Variants in UBR4 observed in about 807,000 individuals in gnomAD.
UBR4 encodes the protein E3 ubiquitin-protein ligase UBR4.
UBR4 carries 124 observed loss-of-function variants against 575.6 expected under a neutral mutation model. The observed-to-expected ratio is 0.22, with a 90% CI of 0.19 to 0.25. The LOEUF is 0.25. Among genes scored for constraint, UBR4 ranks in the 10% least tolerant of loss-of-function variants. UBR4 has a pLI of 1.00. For synonymous variants in UBR4, 2,455 were observed against 2,473.7 expected, an observed-to-expected ratio of 0.99 and a Z score of 0.22; for missense variants, 4,818 against 6,478.8, an observed-to-expected ratio of 0.74 and a Z score of 8.80.
At chr1:19,132,745 A>G (rs1285607211) in intron 60 of UBR4, among the ~76,000 whole-genome samples, 1 of 152,002 alleles carries the variant, frequency 6.6e-6, no homozygotes, top group Non-Finnish European at 1.5e-5. Flanking sequence ...AGCAAGACTG[A>G]CAAAGAATAA....
chr1:19,162,003 G>C lies in UBR4; in HGVS notation c.4957-106C>G, dbSNP rs1245113586. ...CTATGGCGGGGTGAATAGTTGACTC[G>C]CAAATGACCCGTGGAAATCTACCAC... On this transcript the variant is annotated intron_variant, in intron 35 of 105. Transcript: ENST00000375254. The C allele has an allele frequency of 2.4e-6, 3 of 1,241,010 alleles. No homozygotes were observed. The African/African-American group carries it at 4.5e-5, about 19-fold the overall frequency. The allele number at this position is 1,241,010 out of a possible 1,614,324, so 76.9% of individuals were successfully genotyped here.
At chr1:19,168,844 G>A (rs1374417180) in intron 27 of UBR4, among the ~76,000 whole-genome samples, 1 of 152,110 alleles carries the variant, frequency 6.6e-6, no homozygotes. Context: ...TGGGCGTGGT[G>A]GTGGGCGCCT....
Position 19,173,104 on chromosome 1 carries a change from A to T in UBR4, c.3292-11T>A. On this transcript the variant is annotated splice_polypyrimidine_tract_variant and intron_variant, in intron 24 of 105. Coordinates refer to ENST00000375254, the MANE Select transcript of UBR4 (RefSeq NM_020765.3). ...ACAGAAGGATGAGATCTTTAAAAAT[A>T]TGCAAAATATAATTAGCTGTGGCAA... The T allele has an allele frequency of 3.1e-6, 5 of 1,613,802 alleles. No individual in the cohort carries two copies. The highest frequency in any genetic ancestry group is 4.2e-6 in the Non-Finnish European group (5 of 1,179,664).
Position 19,143,295 on chromosome 1 carries a change from A to G in UBR4, c.8179+685T>C, listed in dbSNP as rs4911976. ...GAAAGAAAGAAAGAAAGAAAGAAAG[A>G]AAGAAAGAAAGAAAGAAAGAAAGAA... On this transcript the variant is annotated intron_variant, in intron 55 of 105. Transcript: ENST00000375254. Among the ~76,000 whole-genome samples the G allele has an allele frequency of 4.9e-3, 498 of 102,008 alleles. 11 individuals are homozygous for G. The highest frequency in any genetic ancestry group is 0.018 in the African/African-American group (440 of 24,294). The allele number at this position is 102,008 out of a possible 152,430, so 66.9% of individuals were successfully genotyped here.
rs1461989632 is a variant in UBR4, at chr1:19,198,447, T to G, written c.648+94A>C. The G allele has an allele frequency of 3.4e-6, 5 of 1,477,004 alleles. No homozygotes were observed. In the South Asian group the frequency reaches 4.0e-5, roughly 12 times the overall value. The allele number at this position is 1,477,004 out of a possible 1,614,324, so 91.5% of individuals were successfully genotyped here. A position where few individuals can be genotyped will look rare whatever the true frequency, so the allele number is the denominator to read the frequency against. On this transcript the variant is annotated intron_variant, in intron 5 of 105. Transcript: ENST00000375254. ...TCCCACAGACATGTATATCATTTTA[T>G]ATCACAAACATAAAATACATCACTT... is the stretch of plus-strand genomic sequence containing the variant.
At chr1:19,121,482 G>T in intron 67 of UBR4, 48 bp from the exon 68 acceptor site, 1 of 1,572,926 alleles carries the variant, frequency 6.4e-7, no homozygotes, top group South Asian at 1.2e-5. Flanking sequence ...ACCTCAACCA[G>T]ACTCAGGAGA....
At chr1:19,187,104 A>G (rs950765523) in intron 13 of UBR4, 60 bp downstream of exon 13, 18 of 1,166,088 alleles carry the variant, frequency 1.5e-5, no homozygotes, top group Non-Finnish European at 1.7e-5. Context: ...ATACATATAT[A>G]TATCATATAT....
intron 8 of UBR4, among the ~76,000 whole-genome samples, chr1:19,196,539 TAAAAG>T (rs1558005109): frequency 1.3e-5 from 2 of 152,106 alleles, no homozygotes; most frequent in Non-Finnish European, 2.9e-5. Context: ...AACAATAACT[TAAAAG>T]AGAGTAAACA....
chr1:19,187,130 C>G, intron 13 of UBR4, 34 bp downstream of exon 13: 1 of 1,546,372 alleles, frequency 6.5e-7, no homozygotes, highest in Non-Finnish European at 8.8e-7. Flanking sequence ...ATGAGACATT[C>G]TTCTAAATTA....
chr1:19,095,751 G>T, intron 92 of UBR4, 99 bp from the exon 93 acceptor site: 1 of 1,052,274 alleles, frequency 9.5e-7, no homozygotes, highest in Non-Finnish European at 1.4e-6. Flanking sequence ...TACACCATCA[G>T]CAGGGGCTCC....
chr1:19,121,081 C>T, intron 68 of UBR4, 108 bp downstream of exon 68: 1 of 1,470,716 alleles, frequency 6.8e-7, no homozygotes, highest in East Asian at 2.3e-5. Flanking sequence ...GGCTTTAAGT[C>T]CCCTCTAAAT....
chr1:19,161,929 A>G, intron 35 of UBR4, 32 bp from the exon 36 acceptor site: 13 of 1,612,464 alleles, frequency 8.1e-6, no homozygotes, highest in Non-Finnish European at 1.1e-5. Context: ...TTAATTCGAA[A>G]TATATCCCTG....
At chr1:19,094,793 G>T in intron 94 of UBR4, 113 bp downstream of exon 94, 1 of 1,411,626 alleles carries the variant, frequency 7.1e-7, no homozygotes, top group Non-Finnish European at 9.6e-7. Flanking sequence ...CAATGCTTAA[G>T]CAGGCTCCGC....
chr1:19,145,678 T>G (rs2084768614), intron 53 of UBR4, 115 bp downstream of exon 53: 7 of 1,338,658 alleles, frequency 5.2e-6, no homozygotes, highest in Non-Finnish European at 7.1e-6. Flanking sequence ...AATTATGAGT[T>G]CTGGAAGAAA....
chr1:19,152,382 T>G lies in UBR4; in HGVS notation c.6927A>C (p.Leu2309=). ...TDVEFGGNDL[L]QVYNAQQIKH... is the part of the protein sequence containing the mutation. ...TTATCTGTTGTGCATTATAGACCTG[T>G]AGGAGGTCGTTACCACCAAACTCCA... The change falls in exon 47 of 106, where the codon CTA becomes CTC. Residue 2309 remains leucine, a synonymous_variant. Transcript: ENST00000375254. This position sits in a 1 kb window ranked among gnomAD's most constrained non-coding sequence, Gnocchi z 4.4. 1 of 1,613,952 alleles carries G rather than the reference T, an allele frequency of 6.2e-7. No individual in the cohort carries two copies. The highest frequency in any genetic ancestry group is 1.1e-5 in the South Asian group (1 of 91,074).
At chr1:19,185,573 CT>C (rs3068081) in intron 14 of UBR4, among the ~76,000 whole-genome samples, 39,161 of 127,780 alleles carry the variant, frequency 0.31, 4,466 homozygotes, top group East Asian at 0.49. Context: ...TTTCTTTTTT[CT>C]TTTTTTTTTT....
intron 78 of UBR4, 51 bp downstream of exon 78, chr1:19,112,473 G>A: frequency 1.3e-6 from 2 of 1,547,166 alleles, no homozygotes; most frequent in Non-Finnish European, 1.7e-6. Context: ...TGGCATGGCT[G>A]CCAGTGTCAG....
chr1:19,086,122 C>T, intron 101 of UBR4, 23 bp downstream of exon 101: 1 of 1,612,354 alleles, frequency 6.2e-7, no homozygotes, highest in African/African-American at 1.3e-5. Flanking sequence ...TCCATTCCAC[C>T]ATGAAAAATA....
At chr1:19,079,257 AAAT>A (rs1459965740) in intron 103 of UBR4, 1 of 152,190 alleles carries the variant, frequency 6.6e-6, no homozygotes, top group Non-Finnish European at 1.5e-5. Flanking sequence ...CGCAAAAAAC[AAAT>A]AATATTAAAT....
Sources: gnomAD v4.1 joint callset for allele counts (sites outside exome capture counted in the v4.1 genomes callset) on GRCh38, gnomAD v4.1.1 for gene constraint, Gnocchi (gnomAD v3.1) non-coding constraint, MANE v1.5 for transcripts, NCBI Gene and HGNC (gene_info 2026-07-23, HGNC 2026-07-21) for gene names.